Variants in DDIAS observed in about 807,000 individuals in gnomAD.
The protein encoded by DDIAS is DNA damage-induced apoptosis suppressor protein.
Under a neutral mutation model 15.7 loss-of-function variants are expected in DDIAS, and 14 were observed. The ratio of observed to expected loss-of-function variants is 0.89; its 90% CI spans 0.59 to 1.39. The LOEUF is 1.39. DDIAS is among the 40% of genes most tolerant of loss of function. The pLI, the probability that DDIAS is intolerant of heterozygous loss-of-function variation, is 0.00. For missense variants in DDIAS, 1,035 were observed against 1,130.9 expected, an observed-to-expected ratio of 0.92 and a Z score of 1.22; for synonymous variants, 355 against 395.9, an observed-to-expected ratio of 0.90 and a Z score of 1.23.
At chr11:82,919,462 T>A (rs1860699643) in intron 3 of DDIAS, among the ~76,000 whole-genome samples, 1 of 152,220 alleles carries the variant, frequency 6.6e-6, no homozygotes, top group African/African-American at 2.4e-5. Context: ...TTAATCATGG[T>A]GGATTATCTT....
At chr11:82,930,388 C>A in intron 5 of DDIAS, 114 bp downstream of exon 5, 1 of 732,678 alleles carries the variant, frequency 1.4e-6, no homozygotes, top group South Asian at 1.8e-5. Flanking sequence ...CCTGTAGAAA[C>A]ACTTTAAACT....
At chr11:82,919,637 C>T (rs1379369581) in intron 3 of DDIAS, among the ~76,000 whole-genome samples, 1 of 152,198 alleles carries the variant, frequency 6.6e-6, no homozygotes, top group African/African-American at 2.4e-5. Context: ...AGGGTTCCCT[C>T]TTTATCTCAT....
chr11:82,909,837 C>T (rs1860492502), intron 1 of DDIAS, among the ~76,000 whole-genome samples: 1 of 152,176 alleles, frequency 6.6e-6, no homozygotes, highest in Non-Finnish European at 1.5e-5. Flanking sequence ...CTTTTCTGTG[C>T]TCCCTTCAGT....
intron 3 of DDIAS, among the ~76,000 whole-genome samples, chr11:82,915,491 T>G (rs1193854673): frequency 6.6e-6 from 1 of 152,168 alleles, no homozygotes; most frequent in Non-Finnish European, 1.5e-5. Context: ...GCCAGCAATA[T>G]TCTTAACTAG....
In DDIAS at chr11:82,932,413, G is replaced by A. The variant is rs1279260417; in HGVS notation, c.1075G>A (p.Ala359Thr). Residue 359 changes from alanine (A) to threonine (T), a missense_variant, in exon 6 of 6, where the codon GCA (alanine) becomes ACA (threonine). Physicochemically the swap from Ala to Thr is moderately conservative, Grantham distance 58 (BLOSUM62 0). Coordinates refer to ENST00000533655, the MANE Select transcript of DDIAS (RefSeq NM_145018.4). ...AAGTAATACAAAATCCTTCCACAGT[G>A]CAGTGGAAATTAAAAATAGGTCCCA... ...ESSNTKSFHSAVEIKNRSQHE... is the reference protein window; with the variant it reads ...ESSNTKSFHSTVEIKNRSQHE... The A allele has an allele frequency of 6.2e-7, 1 of 1,614,010 alleles. No homozygotes were observed. The highest frequency in any genetic ancestry group is 2.2e-5 in the East Asian group (1 of 44,888).
chr11:82,902,671 C>T (rs1860345583), intron 1 of DDIAS, among the ~76,000 whole-genome samples: 1 of 152,198 alleles, frequency 6.6e-6, no homozygotes, highest in African/African-American at 2.4e-5. Flanking sequence ...CACTATCCTC[C>T]TTCTCACCCC....
At chr11:82,910,429 C>G (rs377443263) in intron 1 of DDIAS, among the ~76,000 whole-genome samples, 3 of 151,548 alleles carry the variant, frequency 2.0e-5, no homozygotes, top group African/African-American at 7.3e-5. Context: ...AGGTGCACAC[C>G]AGGCTAATTT....
chr11:82,906,057 G>T (rs1860424196), intron 1 of DDIAS, among the ~76,000 whole-genome samples: 1 of 151,924 alleles, frequency 6.6e-6, no homozygotes, highest in African/African-American at 2.4e-5. Flanking sequence ...GAGAGAGACA[G>T]AGAAATAAAA....
chr11:82,905,499 C>T (rs1591084805), intron 1 of DDIAS, among the ~76,000 whole-genome samples: 1 of 152,016 alleles, frequency 6.6e-6, no homozygotes, highest in Non-Finnish European at 1.5e-5. Flanking sequence ...CTTAACACTA[C>T]CACCCTGAGA....
In DDIAS at chr11:82,933,596, A is replaced by T; in HGVS notation, c.2258A>T (p.His753Leu). 2.5e-6 allele frequency: 4 copies of T among 1,613,372 alleles called. No homozygotes were observed. The highest frequency in any genetic ancestry group is 3.4e-6 in the Non-Finnish European group (4 of 1,179,588). The change falls in exon 6 of 6, where the codon CAT becomes CTT. Residue 753 changes from histidine to leucine, a missense_variant. Transcript: ENST00000533655. ...RHSRTCSPTP[H>L]FQSDSEYNFE... ...TCAAGAACATGCTCTCCAACACCTC[A>T]TTTTCAATCAGATTCAGAATATAAT...
chr11:82,916,136 G>A (rs1164623010), intron 3 of DDIAS, among the ~76,000 whole-genome samples: 1 of 152,088 alleles, frequency 6.6e-6, no homozygotes, highest in Non-Finnish European at 1.5e-5. Flanking sequence ...ATGTGACCTA[G>A]GGCAAGATAG....
intron 1 of DDIAS, among the ~76,000 whole-genome samples, chr11:82,909,841 C>T (rs1356204060): frequency 6.6e-6 from 1 of 152,172 alleles, no homozygotes; most frequent in Non-Finnish European, 1.5e-5. Context: ...TCTGTGCTCC[C>T]TTCAGTAATA....
chr11:82,933,994 G>T lies in DDIAS; in HGVS notation c.2656G>T (p.Gly886Trp). ...DMLGFQGIGL[G>W]KCLAAYHFPD... ...GCTTGGATTCCAAGGCATAGGTCTA[G>T]GGAAATGCCTTGCTGCCTATCATTT... Residue 886 changes from glycine to tryptophan, a missense_variant, in exon 6 of 6, where the codon GGG becomes TGG. By Grantham distance (184) the Gly-to-Trp change is radical (BLOSUM62 -2). Transcript: ENST00000533655. 1 of 1,613,664 alleles carries T rather than the reference G, an allele frequency of 6.2e-7. No individual in the cohort carries two copies. The highest frequency in any genetic ancestry group is 1.1e-5 in the South Asian group (1 of 90,956).
intron 1 of DDIAS, among the ~76,000 whole-genome samples, chr11:82,903,008 G>A (rs1019215918): frequency 3.3e-5 from 5 of 152,196 alleles, no homozygotes; most frequent in Non-Finnish European, 7.3e-5. Flanking sequence ...CCTAAAAGAT[G>A]AGCGTGATCC....
chr11:82,934,264 C>T lies in DDIAS; in HGVS notation c.2926C>T (p.Pro976Ser). The T allele has an allele frequency of 6.2e-7, 1 of 1,613,198 alleles. No individual in the cohort carries two copies. Among genetic ancestry groups the T allele is most frequent in the Non-Finnish European group, 8.5e-7 (1 of 1,179,776 alleles). Residue 976 changes from proline (P) to serine (S), a missense_variant, in exon 6 of 6, where the codon CCA becomes TCA. Physicochemically the swap from Pro to Ser is moderately conservative, Grantham distance 74. Coordinates refer to ENST00000533655, the MANE Select transcript of DDIAS (RefSeq NM_145018.4). Reference sequence around the variant, plus strand: ...TTGTTCAGAAGTCAAATGTTGCCTTCCATTTTCAGAAAAAGGCCCACCTTC... The same window carrying T: ...TTGTTCAGAAGTCAAATGTTGCCTTTCATTTTCAGAAAAAGGCCCACCTTC... Reference protein sequence around the residue: ...DSCSEVKCCLPFSEKGPPSVC... With the variant: ...DSCSEVKCCLSFSEKGPPSVC...
In DDIAS at chr11:82,933,275, C is replaced by CAAAT; in HGVS notation, c.1939_1942dup (p.Thr648LysfsTer13). 6.2e-7 allele frequency: 1 copy of CAAAT among 1,613,390 alleles called. No individual in the cohort carries two copies. On this transcript the variant is annotated frameshift_variant, in exon 6 of 6. Transcript: ENST00000533655. LOFTEE classifies it low-confidence loss of function (END_TRUNC). ...CTTTGCAATAGTCCAAATAGAAGTA[C>CAAAT]AAATACATTGAAAGAAATGCCTTGG...
At chr11:82,922,441 G>C (rs180809692) in intron 3 of DDIAS, among the ~76,000 whole-genome samples, 1 of 152,194 alleles carries the variant, frequency 6.6e-6, no homozygotes, top group African/African-American at 2.4e-5. Flanking sequence ...GTTGGATTGG[G>C]TTAATTTGAA....
rs562932271 is a variant in DDIAS, at chr11:82,923,465, G to A, written c.114-5312G>A. 7.2e-5 allele frequency among the ~76,000 whole-genome samples: 11 copies of A among 152,266 alleles called. No individual in the cohort carries two copies. In the South Asian group the frequency reaches 8.3e-4, roughly 11 times the overall value. On this transcript the variant is annotated intron_variant, in intron 3 of 5. Transcript: ENST00000533655. ...TAGAGATGCTGAAGAACAGAGAGAC[G>A]TCCCTAAATATTTTCTTTGAACCTG...
Position 82,928,956 on chromosome 11 carries a change from ATCCTTT to A in DDIAS, c.275+20_275+25del. On this transcript the variant is annotated intron_variant, in intron 4 of 5. Transcript: ENST00000533655. ...TTGCACAGGTAAGAATACTTAAAAC[ATCCTTT>A]TTCCTGACTGCCCTTAGAATTTGAA... is the stretch of plus-strand genomic sequence containing the variant. 6.3e-7 allele frequency: 1 copy of A among 1,590,334 alleles called. No individual in the cohort carries two copies. The highest frequency in any genetic ancestry group is 8.5e-7 in the Non-Finnish European group (1 of 1,173,948).
Sources: allele counts gnomAD v4.1 joint callset (sites outside exome capture counted in the v4.1 genomes callset), GRCh38; gene constraint gnomAD v4.1.1; transcripts MANE v1.5; gene names NCBI Gene and HGNC (gene_info 2026-07-23, HGNC 2026-07-21).